TBC1D2: variants seen among roughly 807,000 people sequenced by gnomAD.
TBC1D2 encodes the protein TBC1 domain family member 2.
TBC1D2 carries 58 observed loss-of-function variants against 91.1 expected under a neutral mutation model. The observed-to-expected ratio is 0.64, with a 90% CI of 0.52 to 0.79. TBC1D2 has a LOEUF of 0.79. TBC1D2 is among the 30% of genes least tolerant of loss of function. The pLI is 0.00. For synonymous variants in TBC1D2, 482 were observed against 511.5 expected (o/e 0.94, Z 0.78); for missense variants, 1,080 against 1,208.3 (o/e 0.89, Z 1.57).
At chr9:98,247,856 A>G (rs1332252815) in intron 2 of TBC1D2, among the ~76,000 whole-genome samples, 5 of 152,194 alleles carry the variant, frequency 3.3e-5, no homozygotes, top group African/African-American at 1.2e-4. Flanking sequence ...CAATATTTTA[A>G]CCATCTTATT....
intron 12 of TBC1D2, among the ~76,000 whole-genome samples, 183 bp downstream of exon 12, chr9:98,200,070 A>G (rs1038666705): frequency 6.6e-6 from 1 of 152,154 alleles, no homozygotes; most frequent in Non-Finnish European, 1.5e-5. Context: ...GAGGCCTCAA[A>G]TGCCATGTTA....
At chr9:98,229,653 A>G (rs1415809859) in intron 4 of TBC1D2, among the ~76,000 whole-genome samples, 1 of 152,262 alleles carries the variant, frequency 6.6e-6, no homozygotes, top group Non-Finnish European at 1.5e-5. Flanking sequence ...TGCTCCAGAG[A>G]GCAGCTCAAG....
chr9:98,210,688 G>C lies in TBC1D2; in HGVS notation c.1641C>G (p.Ala547=). ...QEALQWEAGE[A]SSDSIELSPI... ...GGCTCAGCTCGATGCTGTCAGATGAGGCCTCCCCAGCTTCCCACTGCAGTG... is the reference window on the plus strand; with the variant it reads ...GGCTCAGCTCGATGCTGTCAGATGACGCCTCCCCAGCTTCCCACTGCAGTG... The change falls in exon 8 of 13, where the codon GCC becomes GCG. Residue 547 remains alanine, a synonymous_variant. Transcript: ENST00000465784. 6.2e-7 allele frequency: 1 copy of C among 1,603,780 alleles called. No homozygotes were observed. The highest frequency in any genetic ancestry group is 8.5e-7 in the Non-Finnish European group (1 of 1,175,234).
chr9:98,203,007 T>C (rs1396895976), intron 10 of TBC1D2, among the ~76,000 whole-genome samples: 1 of 152,226 alleles, frequency 6.6e-6, no homozygotes, highest in Non-Finnish European at 1.5e-5. Context: ...AGGTGATGGG[T>C]GTGAGGATGA....
At chr9:98,215,829 T>C (rs996349852) in intron 6 of TBC1D2, among the ~76,000 whole-genome samples, 1 of 152,128 alleles carries the variant, frequency 6.6e-6, no homozygotes, top group Non-Finnish European at 1.5e-5. Context: ...TCTAAAGCCC[T>C]AATCACCAAA....
intron 6 of TBC1D2, among the ~76,000 whole-genome samples, chr9:98,220,504 C>T (rs1447109737): frequency 6.6e-6 from 1 of 152,068 alleles, no homozygotes; most frequent in Non-Finnish European, 1.5e-5. Flanking sequence ...GGGAGGTTGA[C>T]CAGGCCAGGC....
chr9:98,220,439 G>T (rs1032977309), intron 6 of TBC1D2, among the ~76,000 whole-genome samples: 3 of 152,174 alleles, frequency 2.0e-5, no homozygotes, highest in African/African-American at 4.8e-5. Flanking sequence ...CAGGACTGTG[G>T]GGGGAGGGTC....
chr9:98,201,811 G>A lies in TBC1D2; in HGVS notation c.2272-147C>T, dbSNP rs528600346. 10 of 707,476 alleles carry A rather than the reference G, an allele frequency of 1.4e-5. No homozygotes were observed. In the African/African-American group the frequency reaches 1.4e-4, roughly 10 times the overall value. The allele number at this position is 707,476 out of a possible 1,614,324, so 43.8% of individuals were successfully genotyped here. A position where few individuals can be genotyped will look rare whatever the true frequency, so the allele number is the denominator to read the frequency against. On this transcript the variant is annotated intron_variant, in intron 10 of 12. Transcript: ENST00000465784. Reference sequence around the variant, plus strand: ...TCCTGCCCAGGAGACACCTCGGGGAGCCAGGGGCCAGTCTAGCTGGGAGTC... The same window carrying A: ...TCCTGCCCAGGAGACACCTCGGGGAACCAGGGGCCAGTCTAGCTGGGAGTC...
At chr9:98,209,915 A>G (rs1828784077) in intron 8 of TBC1D2, among the ~76,000 whole-genome samples, 2 of 149,358 alleles carry the variant, frequency 1.3e-5, no homozygotes, top group Admixed American at 1.3e-4. Context: ...TGCAGCTTCT[A>G]CCTTCTGGGC....
intron 9 of TBC1D2, among the ~76,000 whole-genome samples, chr9:98,206,152 T>C (rs1480769809): frequency 6.6e-6 from 1 of 151,952 alleles, no homozygotes; most frequent in African/African-American, 2.4e-5. Flanking sequence ...GAGACAAGGT[T>C]TCACCATGTT....
intron 4 of TBC1D2, among the ~76,000 whole-genome samples, chr9:98,230,730 C>T (rs945668797): frequency 1.1e-5 from 1 of 91,442 alleles, no homozygotes; most frequent in African/African-American, 8.4e-5. Context: ...GTCAGGAGTT[C>T]GAGACCACCC....
At chr9:98,212,357 CTT>C (rs1196462339) in intron 7 of TBC1D2, among the ~76,000 whole-genome samples, 1 of 152,144 alleles carries the variant, frequency 6.6e-6, no homozygotes, top group South Asian at 2.1e-4. Flanking sequence ...TATGCTGTCT[CTT>C]TTCCTGGAAG....
At chr9:98,229,269 G>A in intron 4 of TBC1D2, 121 bp from the exon 5 acceptor site, 2 of 894,356 alleles carry the variant, frequency 2.2e-6, no homozygotes, top group Non-Finnish European at 3.4e-6. Flanking sequence ...CCTAATTTCG[G>A]AGCTCTGGAT....
At chr9:98,205,724 G>A (rs934324188) in intron 9 of TBC1D2, among the ~76,000 whole-genome samples, 2 of 151,876 alleles carry the variant, frequency 1.3e-5, no homozygotes, top group Non-Finnish European at 2.9e-5. Flanking sequence ...CTTGTTTTTC[G>A]TTTTTTTAAT....
chr9:98,201,723 C>T (rs1176844514), intron 10 of TBC1D2, 59 bp from the exon 11 acceptor site: 1 of 1,521,772 alleles, frequency 6.6e-7, no homozygotes, highest in Non-Finnish European at 8.9e-7. Context: ...GCCTCCCTCC[C>T]TGCCCAGCCT....
Position 98,251,768 on chromosome 9 carries a change from G to A in TBC1D2, c.511+17C>T. On this transcript the variant is annotated intron_variant, in intron 2 of 12. Transcript: ENST00000465784. ...AGAGCCCTGGGTGTGCAGGCAGGAG[G>A]GTAGCCCATTGGGTACCTAGCTCGA... 1 of 1,569,616 alleles carries A rather than the reference G, an allele frequency of 6.4e-7. No individual in the cohort carries two copies. Among genetic ancestry groups the A allele is most frequent in the Non-Finnish European group, 8.6e-7 (1 of 1,159,930 alleles).
rs570858271 is a variant in TBC1D2 at position 98,221,118 on chromosome 9, C to T, written c.1089G>A (p.Arg363=). ...AEDKDRLELV[R]HKVRQIAELG... ...GCTCCGCGATCTGCCGCACTTTGTG[C>T]CGCACCAGCTCCAGCCGGTCCTTGT... Residue 363 remains arginine (R), a synonymous_variant, in exon 6 of 13, where the codon CGG becomes CGA. Transcript: ENST00000465784. 4 of 1,596,890 alleles carry T rather than the reference C, an allele frequency of 2.5e-6. No individual in the cohort carries two copies. The highest frequency in any genetic ancestry group is 4.6e-5 in the East Asian group (2 of 43,912).
At chr9:98,204,558 G>A (rs17810151) in intron 9 of TBC1D2, among the ~76,000 whole-genome samples, 1 of 152,082 alleles carries the variant, frequency 6.6e-6, no homozygotes, top group African/African-American at 2.4e-5. Context: ...TGCTTCTTTG[G>A]GTTCTCTCTA....
chr9:98,229,138 T>G lies in TBC1D2; in HGVS notation c.792A>C (p.Pro264=). 1 of 1,614,210 alleles carries G rather than the reference T, an allele frequency of 6.2e-7. No individual in the cohort carries two copies. The highest frequency in any genetic ancestry group is 1.3e-5 in the African/African-American group (1 of 75,058). ...ASDASTPGRE[P]EDSPKPAPKP... The stretch of plus-strand genomic sequence containing the variant: ...TGGGTGCAGGCTTTGGAGAATCCTC[T>G]GGCTCTCTCCCTGCTCAAGAGGAGA... Residue 264 remains proline (P), a synonymous_variant, in exon 5 of 13, where the codon CCA becomes CCC. Coordinates refer to ENST00000465784, the MANE Select transcript of TBC1D2 (RefSeq NM_001267571.2).
Sources: gnomAD v4.1 joint callset for allele counts (sites outside exome capture counted in the v4.1 genomes callset) on GRCh38, gnomAD v4.1.1 for gene constraint, MANE v1.5 for transcripts, NCBI Gene and HGNC (gene_info 2026-07-23, HGNC 2026-07-21) for gene names.